The following UVRAG variants were observed in gnomAD, a reference collection of about 807,000 sequenced individuals.
The protein encoded by UVRAG is UV radiation resistance associated.
UVRAG carries 19 observed loss-of-function variants against 78.0 expected under a neutral mutation model. That is an observed-to-expected ratio of 0.24 (90% confidence interval 0.17 to 0.36). UVRAG has a LOEUF of 0.36. Ranked by LOEUF, UVRAG falls within the 10% of genes least tolerant of loss-of-function variation. UVRAG has a pLI of 1.00. For missense variants in UVRAG, 740 were observed against 853.8 expected (o/e 0.87, Z 1.66); for synonymous variants, 323 against 324.6 (o/e 1.00, Z 0.05).
chr11:76,141,275 C>A lies in UVRAG; in HGVS notation c.1962C>A (p.Cys654Ter), dbSNP rs760143866. The A allele has an allele frequency of 1.9e-6, 3 of 1,614,216 alleles. No individual in the cohort carries two copies. The highest frequency in any genetic ancestry group is 2.5e-6 in the Non-Finnish European group (3 of 1,180,038). ...GTGATCAGCTAGAAGCATTTAACTG[C>A]ATCCCAGTGGACAGTGCTGTGGCAG... Reference protein sequence around the residue: ...ASGDQLEAFNCIPVDSAVAVE... With the variant: ...ASGDQLEAFN Residue 654 changes from cysteine (C) to a stop codon, truncating the protein, a stop_gained, in exon 15 of 15, where the codon TGC (cysteine) becomes TGA (stop). Coordinates refer to ENST00000356136, the MANE Select transcript of UVRAG (RefSeq NM_003369.4). LOFTEE classifies it high-confidence loss of function.
intron 6 of UVRAG, among the ~76,000 whole-genome samples, chr11:75,926,309 T>G (rs1412390012): frequency 6.6e-6 from 1 of 152,222 alleles, no homozygotes; most frequent in Non-Finnish European, 1.5e-5. Flanking sequence ...GATTCTTTCT[T>G]AGTTGGCATC....
chr11:75,904,130 A>G (rs12418798), intron 5 of UVRAG, among the ~76,000 whole-genome samples: 1 of 152,244 alleles, frequency 6.6e-6, no homozygotes, highest in Non-Finnish European at 1.5e-5. Flanking sequence ...TGCAAAGCCT[A>G]AAACATTTAC....
intron 14 of UVRAG, among the ~76,000 whole-genome samples, chr11:76,140,108 CCTCCCTCTCTCTCTCT>C (rs1952685703): frequency 1.2e-4 from 2 of 16,482 alleles, no homozygotes; most frequent in African/African-American, 8.4e-4. Context: ...TCCCTCCCTC[CCTCCCTCTCTCTCTCT>C]CTCTCTCTCT....
chr11:75,919,658 G>A (rs942640808), intron 6 of UVRAG, among the ~76,000 whole-genome samples: 1 of 152,182 alleles, frequency 6.6e-6, no homozygotes, highest in African/African-American at 2.4e-5. Flanking sequence ...AACATAGCTA[G>A]CCAACTTGGC....
At chr11:76,002,500 C>T (rs1408532688) in intron 8 of UVRAG, among the ~76,000 whole-genome samples, 1 of 152,090 alleles carries the variant, frequency 6.6e-6, no homozygotes, top group African/African-American at 2.4e-5. Context: ...TATTTGTGGT[C>T]TTGTTAACAT....
chr11:75,993,980 C>T (rs1215033184), intron 8 of UVRAG, among the ~76,000 whole-genome samples: 1 of 152,154 alleles, frequency 6.6e-6, no homozygotes, highest in African/African-American at 2.4e-5. Context: ...CAAGAACTCA[C>T]TATCACCAAG....
chr11:75,833,527 G>A (rs577810988), intron 1 of UVRAG, among the ~76,000 whole-genome samples: 1 of 152,190 alleles, frequency 6.6e-6, no homozygotes, highest in East Asian at 1.9e-4. Context: ...GTTATCTGCC[G>A]AGACCAGCTC....
At chr11:76,092,343 G>A (rs939581262) in intron 13 of UVRAG, among the ~76,000 whole-genome samples, 2 of 152,150 alleles carry the variant, frequency 1.3e-5, no homozygotes, top group Non-Finnish European at 2.9e-5. Flanking sequence ...AATCCTTTGG[G>A]TATATACCCA....
At chr11:76,139,920 A>G (rs1438008948) in intron 14 of UVRAG, among the ~76,000 whole-genome samples, 5 of 151,948 alleles carry the variant, frequency 3.3e-5, no homozygotes, top group Non-Finnish European at 7.4e-5. Flanking sequence ...AGCATTGCAG[A>G]CCAAGTATTG....
intron 12 of UVRAG, among the ~76,000 whole-genome samples, chr11:76,019,584 C>T (rs1220339324): frequency 6.6e-6 from 1 of 152,224 alleles, no homozygotes; most frequent in African/African-American, 2.4e-5. Context: ...GTGGTTCTTG[C>T]AGTCTTGTAG....
At chr11:76,097,886 A>G (rs1301012331) in intron 13 of UVRAG, among the ~76,000 whole-genome samples, 1 of 152,158 alleles carries the variant, frequency 6.6e-6, no homozygotes, top group Non-Finnish European at 1.5e-5. Context: ...TACCGCCTAT[A>G]GTTTTATATC....
intron 13 of UVRAG, among the ~76,000 whole-genome samples, chr11:76,113,802 A>G (rs1281078798): frequency 6.6e-6 from 1 of 152,070 alleles, no homozygotes; most frequent in Admixed American, 6.5e-5. Flanking sequence ...GGTTGGAAAG[A>G]TGGTCTCCAG....
At chr11:76,031,988 C>A (rs1374547206) in intron 12 of UVRAG, among the ~76,000 whole-genome samples, 1 of 152,062 alleles carries the variant, frequency 6.6e-6, no homozygotes, top group African/African-American at 2.4e-5. Flanking sequence ...TAGCTCTGTT[C>A]TTTTCTTTAA....
intron 8 of UVRAG, among the ~76,000 whole-genome samples, chr11:75,992,750 G>A (rs1332371808): frequency 6.6e-6 from 1 of 152,118 alleles, no homozygotes; most frequent in Non-Finnish European, 1.5e-5. Context: ...TGCTTGTGTT[G>A]AACATTATTC....
At chr11:75,918,698 C>A (rs1947912896) in intron 6 of UVRAG, among the ~76,000 whole-genome samples, 1 of 152,140 alleles carries the variant, frequency 6.6e-6, no homozygotes. Context: ...TTTGTATTAG[C>A]CCTATCGCAG....
intron 3 of UVRAG, among the ~76,000 whole-genome samples, chr11:75,865,580 A>G (rs1946519980): frequency 6.6e-6 from 1 of 151,760 alleles, no homozygotes; most frequent in African/African-American, 2.4e-5. Flanking sequence ...TAGATATCAT[A>G]TTAGACAGCA....
chr11:76,089,778 A>AT (rs1951661634), intron 13 of UVRAG, among the ~76,000 whole-genome samples: 1 of 152,030 alleles, frequency 6.6e-6, no homozygotes, highest in Non-Finnish European at 1.5e-5. Context: ...ATTTTGTTCG[A>AT]TTTCTTCTGA....
chr11:76,073,629 A>G (rs762152098), intron 13 of UVRAG, among the ~76,000 whole-genome samples: 2 of 152,194 alleles, frequency 1.3e-5, no homozygotes, highest in Non-Finnish European at 2.9e-5. Flanking sequence ...TGTTTTCCAA[A>G]TGACCATTGT....
At chr11:75,901,779 T>C (rs1442929732) in intron 5 of UVRAG, among the ~76,000 whole-genome samples, 1 of 152,270 alleles carries the variant, frequency 6.6e-6, no homozygotes, top group African/African-American at 2.4e-5. Context: ...GAGGTCTTGC[T>C]ATTCCTTATT....
Sources: gnomAD v4.1 joint callset for allele counts (sites outside exome capture counted in the v4.1 genomes callset) on GRCh38, gnomAD v4.1.1 for gene constraint, MANE v1.5 for transcripts, NCBI Gene and HGNC (gene_info 2026-07-23, HGNC 2026-07-21) for gene names.